Variants in SNX9 observed in about 807,000 individuals in gnomAD.
The protein encoded by SNX9 is sorting nexin-9.
A neutral mutation model predicts 89.4 loss-of-function variants in SNX9; 44 were observed. The ratio of observed to expected loss-of-function variants is 0.49; its 90% CI spans 0.39 to 0.63. SNX9 has a LOEUF of 0.63. Among genes scored for constraint, SNX9 ranks in the 30% least tolerant of loss-of-function variants. SNX9 has a pLI of 0.00. For synonymous variants in SNX9, 236 were observed against 247.8 expected (o/e 0.95, Z 0.45); for missense variants, 578 against 736.1 (o/e 0.79, Z 2.49).
intron 1 of SNX9, among the ~76,000 whole-genome samples, chr6:157,843,872 CTT>C (rs1006138414): frequency 5.0e-5 from 6 of 120,708 alleles, no homozygotes; most frequent in Admixed American, 8.4e-5. Context: ...TCCCATTTGT[CTT>C]TTTTTTTTTT....
At chr6:157,871,172 C>A (rs1467455543) in intron 2 of SNX9, among the ~76,000 whole-genome samples, 1 of 152,138 alleles carries the variant, frequency 6.6e-6, no homozygotes, top group Non-Finnish European at 1.5e-5. Flanking sequence ...TTGAGCTCAG[C>A]AGTTCAAGAC....
intron 9 of SNX9, among the ~76,000 whole-genome samples, chr6:157,919,524 A>G (rs116014752): frequency 1.3e-5 from 2 of 152,108 alleles, no homozygotes; most frequent in South Asian, 2.1e-4. Flanking sequence ...TTCAATTACT[A>G]TACTTTCAAC....
chr6:157,901,216 T>TA (rs1237025636), intron 5 of SNX9, among the ~76,000 whole-genome samples: 7 of 152,348 alleles, frequency 4.6e-5, no homozygotes, highest in Admixed American at 4.6e-4. Context: ...ATTTTGTATT[T>TA]ACAATAATCA....
Position 157,840,567 on chromosome 6 carries a change from ACAGT to A in SNX9, c.12+17126_12+17129del, listed in dbSNP as rs376545567. On this transcript the variant is annotated intron_variant, in intron 1 of 17. Transcript: ENST00000392185. ...TACCCAAAGCTAACTGCAGGAGTTA[ACAGT>A]CAGTTTGCTTTGATACTGGATTTAA... is the stretch of plus-strand genomic sequence containing the variant. 2.7e-4 allele frequency among the ~76,000 whole-genome samples: 41 copies of A among 151,760 alleles called. No individual in the cohort carries two copies. In the East Asian group the frequency reaches 7.2e-3, roughly 27 times the overall value.
At position 157,850,950 on chromosome 6, in the gene SNX9, A is replaced by G. The variant is rs1375549786; in HGVS notation, c.13-16597A>G. Among the ~76,000 whole-genome samples the G allele has an allele frequency of 7.2e-5, 11 of 152,136 alleles. No homozygotes were observed. The East Asian group carries it at 1.2e-3, about 16-fold the overall frequency. On this transcript the variant is annotated intron_variant, in intron 1 of 17. Coordinates refer to ENST00000392185, the MANE Select transcript of SNX9 (RefSeq NM_016224.5). ...CAATTGTACATTTTTACTTATTTCT[A>G]TGGTCTTTTGAAAATAGTGATAAGG...
chr6:157,912,156 A>G (rs1262823716), intron 9 of SNX9, among the ~76,000 whole-genome samples: 2 of 152,238 alleles, frequency 1.3e-5, no homozygotes, highest in Non-Finnish European at 2.9e-5. Context: ...CTTAAAAAAT[A>G]CAGATTTCTT....
chr6:157,865,183 A>C (rs544640444), intron 1 of SNX9, among the ~76,000 whole-genome samples: 1 of 151,840 alleles, frequency 6.6e-6, no homozygotes, highest in African/African-American at 2.4e-5. Context: ...TACTAAAAAT[A>C]TGAAAATTAG....
chr6:157,841,474 C>T (rs544980150), intron 1 of SNX9, among the ~76,000 whole-genome samples: 1 of 152,234 alleles, frequency 6.6e-6, no homozygotes, highest in East Asian at 1.9e-4. Context: ...TACCTAGAGA[C>T]CCATGGGCCT....
At chr6:157,932,484 T>C (rs1399531073) in intron 13 of SNX9, among the ~76,000 whole-genome samples, 3 of 152,222 alleles carry the variant, frequency 2.0e-5, no homozygotes, top group Non-Finnish European at 2.9e-5. Context: ...ATTTTCTTGC[T>C]AGCTCGTTTG....
chr6:157,832,196 A>G (rs1781490712), intron 1 of SNX9, among the ~76,000 whole-genome samples: 1 of 152,222 alleles, frequency 6.6e-6, no homozygotes, highest in African/African-American at 2.4e-5. Flanking sequence ...ACCCACAGGG[A>G]CAGTACTCAG....
At chr6:157,904,052 C>G (rs2115172469) in intron 6 of SNX9, among the ~76,000 whole-genome samples, 1 of 152,210 alleles carries the variant, frequency 6.6e-6, no homozygotes, top group East Asian at 1.9e-4. Flanking sequence ...GCAATTAATC[C>G]ATTTTATATG....
In SNX9 at chr6:157,928,715, C is replaced by G; in HGVS notation, c.1288+13C>G. The G allele has an allele frequency of 6.4e-7, 1 of 1,572,110 alleles. No individual in the cohort carries two copies. The highest frequency in any genetic ancestry group is 1.2e-5 in the South Asian group (1 of 84,710). The stretch of plus-strand genomic sequence containing the variant: ...CGCTGCACGGGCCGTAAGTCCACTC[C>G]TCACAGTGCACTGGGCTCGTAGGGG... On this transcript the variant is annotated intron_variant, in intron 12 of 17. Coordinates refer to ENST00000392185, the MANE Select transcript of SNX9 (RefSeq NM_016224.5).
At chr6:157,919,176 G>C (rs1239688654) in intron 9 of SNX9, among the ~76,000 whole-genome samples, 1 of 152,076 alleles carries the variant, frequency 6.6e-6, no homozygotes, top group African/African-American at 2.4e-5. Flanking sequence ...TTATTTATCT[G>C]GGTATGTCTT....
At chr6:157,906,342 AAT>A in intron 7 of SNX9, 130 bp downstream of exon 7, 1 of 660,884 alleles carries the variant, frequency 1.5e-6, no homozygotes, top group Non-Finnish European at 2.5e-6. Context: ...CATAACTGAT[AAT>A]ATATGTTAGT....
chr6:157,928,596 CAG>C lies in SNX9; in HGVS notation c.1187_1188del. 6.2e-7 allele frequency: 1 copy of C among 1,603,430 alleles called. No individual in the cohort carries two copies. The highest frequency in any genetic ancestry group is 8.5e-7 in the Non-Finnish European group (1 of 1,175,386). On this transcript the variant is annotated splice_acceptor_variant, in intron 11 of 17. Coordinates refer to ENST00000392185, the MANE Select transcript of SNX9 (RefSeq NM_016224.5). LOFTEE classifies it high-confidence loss of function. ...TGTGACTGACGGCCGCCTTCACCCA[CAG>C]AGAGCAGAAGTGCGAGGCTGTGGGG...
intron 1 of SNX9, among the ~76,000 whole-genome samples, chr6:157,853,759 T>C (rs899850810): frequency 5.9e-5 from 9 of 151,734 alleles, no homozygotes; most frequent in Non-Finnish European, 4.4e-5. Context: ...TATGCCACAA[T>C]TTTTAGTACA....
At chr6:157,893,254 C>A (rs1165491169) in intron 4 of SNX9, among the ~76,000 whole-genome samples, 1 of 152,156 alleles carries the variant, frequency 6.6e-6, no homozygotes, top group African/African-American at 2.4e-5. Context: ...AGAGTCCATC[C>A]CGAAGCCGAA....
intron 1 of SNX9, among the ~76,000 whole-genome samples, chr6:157,857,651 GTT>G (rs11293286): frequency 1.6e-5 from 2 of 124,032 alleles, no homozygotes; most frequent in East Asian, 2.4e-4. Context: ...GTTTTTCCTT[GTT>G]TTTTTTTTTT....
Position 157,869,086 on chromosome 6 carries a change from C to T in SNX9, c.99+1453C>T, listed in dbSNP as rs113553490. On this transcript the variant is annotated intron_variant, in intron 2 of 17. Coordinates refer to ENST00000392185, the MANE Select transcript of SNX9 (RefSeq NM_016224.5). ...CAGAGAGGTCTGCATGCCAGTGTTT[C>T]TTACTGAATGTTTCCAGAAGGGAAC... Among the ~76,000 whole-genome samples, 367 of 152,364 alleles carry T rather than the reference C, an allele frequency of 2.4e-3. 1 individual carries two copies. Among genetic ancestry groups the T allele is most frequent in the African/African-American group, 8.5e-3 (352 of 41,582 alleles).
Sources: allele counts gnomAD v4.1 joint callset (sites outside exome capture counted in the v4.1 genomes callset), GRCh38; gene constraint gnomAD v4.1.1; transcripts MANE v1.5; gene names NCBI Gene and HGNC (gene_info 2026-07-23, HGNC 2026-07-21).